Variants in FAM180A observed in about 807,000 individuals in gnomAD.
The protein encoded by FAM180A is family with sequence similarity 180 member A.
FAM180A carries 14 observed loss-of-function variants against 15.3 expected under a neutral mutation model. The observed-to-expected ratio is 0.92, with a 90% CI of 0.61 to 1.43. The LOEUF is 1.43. Ranked by LOEUF, FAM180A falls within the 40% of genes most tolerant of loss-of-function variation. The pLI is 0.00. For missense variants in FAM180A, 200 were observed against 220.8 expected (o/e 0.91, Z 0.60); for synonymous variants, 90 against 96.8 (o/e 0.93, Z 0.41).
At chr7:135,738,196 T>C (rs1237971938) in intron 1 of FAM180A, among the ~76,000 whole-genome samples, 1 of 151,488 alleles carries the variant, frequency 6.6e-6, no homozygotes, top group Non-Finnish European at 1.5e-5. Context: ...TGATTTTTGT[T>C]TGTTTGTTTG....
Position 135,729,881 on chromosome 7 carries a change from G to T in FAM180A, c.*730C>A. 2 of 693,982 alleles carry T rather than the reference G, an allele frequency of 2.9e-6. No individual in the cohort carries two copies. The highest frequency in any genetic ancestry group is 3.5e-6 in the Non-Finnish European group (2 of 564,202). The allele number at this position is 693,982 out of a possible 1,614,324, so 43.0% of individuals were successfully genotyped here. A position where few individuals can be genotyped will look rare whatever the true frequency, so the allele number is the denominator to read the frequency against. On this transcript the variant is annotated 3_prime_UTR_variant, in exon 4 of 4. Coordinates refer to ENST00000338588, the MANE Select transcript of FAM180A (RefSeq NM_205855.4). ...AAGGGGAAAAGAGGAGTTGTTCGGTGGGTATAGAACTTCAGAATTACAAGA... is the reference window on the plus strand; with the variant it reads ...AAGGGGAAAAGAGGAGTTGTTCGGTTGGTATAGAACTTCAGAATTACAAGA...
At chr7:135,737,274 T>A in intron 1 of FAM180A, 75 bp from the exon 2 acceptor site, 1 of 1,189,652 alleles carries the variant, frequency 8.4e-7, no homozygotes. Flanking sequence ...ACCTTGAAGG[T>A]AGTCAAGGAG....
At chr7:135,741,814 C>A (rs1288132101) in intron 1 of FAM180A, among the ~76,000 whole-genome samples, 2 of 146,966 alleles carry the variant, frequency 1.4e-5, no homozygotes, top group Non-Finnish European at 3.0e-5. Flanking sequence ...TAGAGTGAGA[C>A]CCTGTCTCAA....
At chr7:135,748,258 T>A (rs1372730662) in intron 1 of FAM180A, among the ~76,000 whole-genome samples, 1 of 152,186 alleles carries the variant, frequency 6.6e-6, no homozygotes, top group African/African-American at 2.4e-5. Context: ...CTCTCTGGGA[T>A]GCCAGAAAGG....
At chr7:135,731,700 C>A (rs1796784626) in intron 3 of FAM180A, among the ~76,000 whole-genome samples, 1 of 152,174 alleles carries the variant, frequency 6.6e-6, no homozygotes, top group Non-Finnish European at 1.5e-5. Flanking sequence ...CTGAGACTTA[C>A]TAATCTTCTG....
At chr7:135,744,699 G>C (rs1054295964) in intron 1 of FAM180A, among the ~76,000 whole-genome samples, 2 of 152,184 alleles carry the variant, frequency 1.3e-5, no homozygotes, top group African/African-American at 4.8e-5. Flanking sequence ...GAATGAGGAC[G>C]GGGCACTCTG....
At chr7:135,741,510 T>C (rs28672363) in intron 1 of FAM180A, among the ~76,000 whole-genome samples, 16,616 of 107,708 alleles carry the variant, frequency 0.15, 2,510 homozygotes, top group African/African-American at 0.45. Flanking sequence ...ACTGAGACTC[T>C]GTCTCAAAAA....
intron 1 of FAM180A, among the ~76,000 whole-genome samples, chr7:135,744,973 C>T (rs1170551933): frequency 6.6e-6 from 1 of 152,084 alleles, no homozygotes; most frequent in Non-Finnish European, 1.5e-5. Flanking sequence ...TAGCTCTCTG[C>T]ATCGTTGACC....
intron 1 of FAM180A, among the ~76,000 whole-genome samples, chr7:135,744,506 G>C (rs1405050885): frequency 1.3e-5 from 2 of 152,156 alleles, no homozygotes; most frequent in African/African-American, 4.8e-5. Context: ...TCTGGAAACA[G>C]AGTGCTATTC....
At chr7:135,735,620 T>C (rs1182658654) in intron 2 of FAM180A, among the ~76,000 whole-genome samples, 1 of 152,268 alleles carries the variant, frequency 6.6e-6, no homozygotes, top group Non-Finnish European at 1.5e-5. Context: ...GCAAAGACTC[T>C]GCATTTCCCA....
intron 2 of FAM180A, among the ~76,000 whole-genome samples, chr7:135,735,987 G>A (rs1056023288): frequency 6.0e-5 from 9 of 150,148 alleles, no homozygotes; most frequent in African/African-American, 2.2e-4. Context: ...ACAAGCATGA[G>A]CCGCCGCACC....
chr7:135,730,069 A>C lies in FAM180A; in HGVS notation c.*542T>G. 7.1e-6 allele frequency: 7 copies of C among 985,394 alleles called. No individual in the cohort carries two copies. The highest frequency in any genetic ancestry group is 8.4e-6 in the Non-Finnish European group (7 of 829,916). 61.0% of individuals were successfully genotyped at this position (985,394 alleles called of 1,614,324 possible). ...TAGGAAAGTAAGGGGTGTTGTAAAA[A>C]GTCATTTAACAAGCATTTGATTTTA... On this transcript the variant is annotated 3_prime_UTR_variant, in exon 4 of 4. Transcript: ENST00000338588.
In FAM180A at chr7:135,748,643, A is replaced by G; in HGVS notation, c.-63T>C. On this transcript the variant is annotated 5_prime_UTR_variant, in exon 1 of 4. Transcript: ENST00000338588. Reference sequence around the variant, plus strand: ...CAGTGGAACCCCAGTAGCTGCAGGTATGCCCGTGCCGTTCTTCCCAGTGAG... The same window carrying G: ...CAGTGGAACCCCAGTAGCTGCAGGTGTGCCCGTGCCGTTCTTCCCAGTGAG... The G allele has an allele frequency of 1.6e-6, 2 of 1,286,504 alleles. No individual in the cohort carries two copies. Among genetic ancestry groups the G allele is most frequent in the Non-Finnish European group, 2.3e-6 (2 of 881,836 alleles). The allele number at this position is 1,286,504 out of a possible 1,614,324, so 79.7% of individuals were successfully genotyped here. A position where few individuals can be genotyped will look rare whatever the true frequency, so the allele number is the denominator to read the frequency against.
chr7:135,741,377 C>G (rs968934553), intron 1 of FAM180A, among the ~76,000 whole-genome samples: 21 of 152,050 alleles, frequency 1.4e-4, no homozygotes, highest in Non-Finnish European at 2.8e-4. Context: ...TGGTGGCAGG[C>G]ACCTACAGGG....
chr7:135,748,230 A>G (rs1339183712), intron 1 of FAM180A, among the ~76,000 whole-genome samples: 1 of 152,170 alleles, frequency 6.6e-6, no homozygotes, highest in African/African-American at 2.4e-5. Flanking sequence ...TCTACTTTCT[A>G]TGAAGCAGAA....
rs560299400 is a variant in FAM180A at position 135,731,152 on chromosome 7, T to A, written c.*330-871A>T. Among the ~76,000 whole-genome samples the A allele has an allele frequency of 1.5e-4, 23 of 152,164 alleles. No individual in the cohort carries two copies. The East Asian group carries it at 4.1e-3, about 27-fold the overall frequency. ...GGCCTTTCCATCTGATGATTCTGAG[T>A]ACAAGAAAGCTTTCAGATCCATTGT... is the stretch of plus-strand genomic sequence containing the variant. On this transcript the variant is annotated intron_variant, in intron 3 of 3. Coordinates refer to ENST00000338588, the MANE Select transcript of FAM180A (RefSeq NM_205855.4).
chr7:135,736,078 A>G (rs1211366134), intron 2 of FAM180A, among the ~76,000 whole-genome samples: 3 of 133,092 alleles, frequency 2.3e-5, no homozygotes, highest in Non-Finnish European at 4.8e-5. Flanking sequence ...GCTGGAGTGC[A>G]GTGGCGTGAT....
At chr7:135,744,679 C>T (rs1238520973) in intron 1 of FAM180A, among the ~76,000 whole-genome samples, 1 of 152,164 alleles carries the variant, frequency 6.6e-6, no homozygotes. Context: ...GAGAAATATG[C>T]AGAGCGGATG....
intron 1 of FAM180A, among the ~76,000 whole-genome samples, chr7:135,746,664 G>A (rs748420831): frequency 6.6e-6 from 1 of 152,234 alleles, no homozygotes; most frequent in Non-Finnish European, 1.5e-5. Context: ...GTGTGACAAA[G>A]AGGGGAGTGA....
Sources: gnomAD v4.1 joint callset for allele counts (sites outside exome capture counted in the v4.1 genomes callset) on GRCh38, gnomAD v4.1.1 for gene constraint, MANE v1.5 for transcripts, NCBI Gene and HGNC (gene_info 2026-07-23, HGNC 2026-07-21) for gene names.